Variants in CSMD1 observed in about 807,000 individuals in gnomAD.
CSMD1 encodes CUB and Sushi multiple domains 1, also known as CUB and sushi domain-containing protein 1.
In CSMD1, 213 loss-of-function variants were observed where a neutral mutation model predicts 417.5. The observed-to-expected ratio is 0.51, with a 90% CI of 0.46 to 0.57. The LOEUF is 0.57. Ranked by LOEUF, CSMD1 falls within the 20% of genes least tolerant of loss-of-function variation. CSMD1 has a pLI of 0.00. For missense variants in CSMD1, 6,923 were observed against 4,529.7 expected (o/e 1.53, Z -15.17); for synonymous variants, 2,862 against 1,736.8 (o/e 1.65, Z -16.11).
At chr8:3,552,111 C>G (rs763301901) in intron 10 of CSMD1, among the ~76,000 whole-genome samples, 29 of 152,196 alleles carry the variant, frequency 1.9e-4, no homozygotes, top group Admixed American at 7.9e-4. Context: ...AGGAAAAAAT[C>G]TCCTTTACAT....
chr8:4,103,315 G>T (rs1371068457), intron 3 of CSMD1, among the ~76,000 whole-genome samples: 1 of 151,120 alleles, frequency 6.6e-6, no homozygotes, highest in Non-Finnish European at 1.5e-5. Flanking sequence ...TACACACAGT[G>T]ATCATCAATA....
At chr8:3,826,035 G>C (rs1413634029) in intron 5 of CSMD1, among the ~76,000 whole-genome samples, 1 of 152,122 alleles carries the variant, frequency 6.6e-6, no homozygotes, top group Non-Finnish European at 1.5e-5. Context: ...CCAACGTGTT[G>C]TCTTTCAAAT....
At chr8:3,957,619 G>A (rs1162125067) in intron 5 of CSMD1, among the ~76,000 whole-genome samples, 3 of 152,050 alleles carry the variant, frequency 2.0e-5, no homozygotes, top group Non-Finnish European at 4.4e-5. Flanking sequence ...AGGAGTTCGG[G>A]GTTGCAGTGA....
intron 2 of CSMD1, among the ~76,000 whole-genome samples, chr8:4,517,373 A>C (rs1183891473): frequency 6.6e-6 from 1 of 152,164 alleles, no homozygotes; most frequent in African/African-American, 2.4e-5. Flanking sequence ...TCATAGGTTA[A>C]ACAGCTAATC....
At chr8:4,871,264 T>C (rs1459338457) in intron 1 of CSMD1, among the ~76,000 whole-genome samples, 1 of 152,098 alleles carries the variant, frequency 6.6e-6, no homozygotes, top group Admixed American at 6.5e-5. Flanking sequence ...CAGCCCATTT[T>C]CTTAGGAAAT....
chr8:3,565,131 CAAAAAAAAAAA>C (rs869248314), intron 10 of CSMD1, among the ~76,000 whole-genome samples: 9 of 10,452 alleles, frequency 8.6e-4, no homozygotes, highest in Admixed American at 2.7e-3. Flanking sequence ...TGCAAGACAG[CAAAAAAAAAAA>C]AAAAAAAAAA....
chr8:4,044,717 G>GCACCCTGGACACGTAC (rs1288720319), intron 3 of CSMD1, among the ~76,000 whole-genome samples: 1 of 25,806 alleles, frequency 3.9e-5, no homozygotes, highest in African/African-American at 8.8e-5. Flanking sequence ...TGGATGCATA[G>GCACCCTGGACACGTAC]CACCCTGGAC....
intron 11 of CSMD1, among the ~76,000 whole-genome samples, chr8:3,470,440 G>C (rs1357488916): frequency 6.6e-6 from 1 of 152,140 alleles, no homozygotes; most frequent in African/African-American, 2.4e-5. Flanking sequence ...GTTTCCCCGA[G>C]TGGTAACATC....
At chr8:3,361,720 T>C (rs1009056108) in intron 20 of CSMD1, among the ~76,000 whole-genome samples, 1 of 151,322 alleles carries the variant, frequency 6.6e-6, no homozygotes, top group African/African-American at 2.4e-5. Flanking sequence ...GATATTATTA[T>C]GTGCTATACC....
At chr8:4,828,195 G>A (rs562002217) in intron 1 of CSMD1, among the ~76,000 whole-genome samples, 1 of 152,190 alleles carries the variant, frequency 6.6e-6, no homozygotes, top group Non-Finnish European at 1.5e-5. Flanking sequence ...TGTTTTCAAA[G>A]CAGCACTATT....
intron 8 of CSMD1, among the ~76,000 whole-genome samples, chr8:3,614,193 C>T (rs1007211897): frequency 1.3e-5 from 2 of 152,022 alleles, no homozygotes; most frequent in Non-Finnish European, 2.9e-5. Context: ...TCTATTGCTA[C>T]AAACATAGAG....
At chr8:3,549,150 G>C (rs1190866663) in intron 10 of CSMD1, among the ~76,000 whole-genome samples, 2 of 152,148 alleles carry the variant, frequency 1.3e-5, no homozygotes, top group Non-Finnish European at 2.9e-5. Flanking sequence ...TCTAGATTGG[G>C]TGTCTGCAAA....
At chr8:4,454,657 C>G (rs1417028729) in intron 2 of CSMD1, among the ~76,000 whole-genome samples, 12 of 152,128 alleles carry the variant, frequency 7.9e-5, no homozygotes, top group Non-Finnish European at 1.3e-4. Context: ...GTGCAGCCTT[C>G]CAGGTCCTAT....
At chr8:3,204,832 T>TGTCTG (rs1797163682) in intron 31 of CSMD1, among the ~76,000 whole-genome samples, 2 of 152,256 alleles carry the variant, frequency 1.3e-5, no homozygotes, top group Non-Finnish European at 2.9e-5. Flanking sequence ...TGACAGCTAC[T>TGTCTG]ATCTGGTTTA....
At chr8:3,538,534 G>A (rs113500366) in intron 10 of CSMD1, among the ~76,000 whole-genome samples, 5,910 of 152,158 alleles carry the variant, frequency 0.039, 332 homozygotes, top group African/African-American at 0.12. Context: ...GCGATGCCTC[G>A]CCTGCGATGC....
chr8:4,195,214 T>C (rs957204388), intron 3 of CSMD1, among the ~76,000 whole-genome samples: 2 of 152,172 alleles, frequency 1.3e-5, no homozygotes, highest in African/African-American at 2.4e-5. Flanking sequence ...CTTGGGTGCA[T>C]ACATTCGATT....
chr8:3,651,385 A>C (rs912936700), intron 7 of CSMD1, among the ~76,000 whole-genome samples: 1 of 152,056 alleles, frequency 6.6e-6, no homozygotes, highest in Non-Finnish European at 1.5e-5. Flanking sequence ...CTTCATTCAC[A>C]ATATGGAAGC....
intron 15 of CSMD1, among the ~76,000 whole-genome samples, chr8:3,401,305 T>C (rs1812025472): frequency 6.6e-6 from 1 of 152,112 alleles, no homozygotes; most frequent in Admixed American, 6.6e-5. Context: ...AACCAAAAGT[T>C]TCCTTTACTT....
intron 2 of CSMD1, among the ~76,000 whole-genome samples, chr8:4,629,177 G>A (rs1802353233): frequency 6.6e-6 from 1 of 152,106 alleles, no homozygotes; most frequent in South Asian, 2.1e-4. Flanking sequence ...CATATTTGTA[G>A]AATACATTCT....
Sources: allele counts gnomAD v4.1 joint callset (sites outside exome capture counted in the v4.1 genomes callset), GRCh38; gene constraint gnomAD v4.1.1; transcripts MANE v1.5; gene names NCBI Gene and HGNC (gene_info 2026-07-23, HGNC 2026-07-21).